The following TGM4 variants were observed in gnomAD, a reference collection of about 807,000 sequenced individuals.
TGM4 encodes the protein transglutaminase 4.
TGM4 carries 61 observed loss-of-function variants against 76.3 expected under a neutral mutation model. That is an observed-to-expected ratio of 0.80 (90% CI 0.65 to 0.99). TGM4 has a LOEUF of 0.99. Ranked by LOEUF, TGM4 falls within the 50% of genes least tolerant of loss-of-function variation. TGM4 has a pLI of 0.00. For synonymous variants in TGM4, 337 were observed against 329.8 expected, an observed-to-expected ratio of 1.02 and a Z score of -0.24; for missense variants, 794 against 843.2, an observed-to-expected ratio of 0.94 and a Z score of 0.72.
intron 9 of TGM4, 21 bp downstream of exon 9, chr3:44,904,008 C>T (rs758942223): frequency 1.4e-5 from 23 of 1,601,388 alleles, no homozygotes; most frequent in East Asian, 8.9e-5. Context: ...GGCAGGAAGG[C>T]GCTGGGCATC....
chr3:44,904,578 G>C (rs1699898439), intron 9 of TGM4, among the ~76,000 whole-genome samples: 1 of 152,192 alleles, frequency 6.6e-6, no homozygotes, highest in East Asian at 1.9e-4. Flanking sequence ...AAAATCTGTG[G>C]AATCAAGTTA....
chr3:44,904,094 T>TG, intron 9 of TGM4, 107 bp downstream of exon 9: 1 of 1,021,702 alleles, frequency 9.8e-7, no homozygotes, highest in Non-Finnish European at 1.5e-6. Flanking sequence ...AAAGTTTTCA[T>TG]AAAAATTTCC....
At chr3:44,881,233 T>TGGG (rs1699527789) in intron 1 of TGM4, among the ~76,000 whole-genome samples, 1 of 152,044 alleles carries the variant, frequency 6.6e-6, no homozygotes, top group Non-Finnish European at 1.5e-5. Flanking sequence ...TAATCTTAAA[T>TGGG]AACCTCTCAC....
chr3:44,899,814 C>T (rs1699828285), intron 6 of TGM4, among the ~76,000 whole-genome samples: 2 of 152,346 alleles, frequency 1.3e-5, no homozygotes, highest in East Asian at 1.9e-4. Flanking sequence ...CTTCCAGGCT[C>T]ACTCACCTAG....
At chr3:44,897,948 T>A (rs1699801483) in intron 6 of TGM4, among the ~76,000 whole-genome samples, 1 of 152,178 alleles carries the variant, frequency 6.6e-6, no homozygotes, top group Non-Finnish European at 1.5e-5. Flanking sequence ...TTAGTTGGAA[T>A]ATATGAACAT....
chr3:44,907,258 A>G, intron 10 of TGM4, 58 bp downstream of exon 10: 1 of 1,585,160 alleles, frequency 6.3e-7, no homozygotes, highest in Non-Finnish European at 8.6e-7. Context: ...GAACATGAAA[A>G]TAGTCAAGAT....
chr3:44,881,646 C>T (rs1699534365), intron 1 of TGM4, among the ~76,000 whole-genome samples: 1 of 152,218 alleles, frequency 6.6e-6, no homozygotes, highest in African/African-American at 2.4e-5. Flanking sequence ...CAAAAATATA[C>T]ATACAGACTG....
intron 3 of TGM4, among the ~76,000 whole-genome samples, chr3:44,890,118 C>T (rs1471271591): frequency 2.6e-5 from 4 of 152,154 alleles, no homozygotes; most frequent in African/African-American, 9.7e-5. Context: ...ATGAGAACAG[C>T]ATGGGGGAAA....
intron 3 of TGM4, chr3:44,888,022 C>G (rs1368110353): frequency 5.6e-6 from 3 of 532,672 alleles, no homozygotes; most frequent in African/African-American, 3.8e-5. Context: ...TCACCCTTCC[C>G]CTTTCCATTT....
At chr3:44,910,909 G>C in intron 11 of TGM4, 49 bp from the exon 12 acceptor site, 5 of 1,578,864 alleles carry the variant, frequency 3.2e-6, no homozygotes, top group South Asian at 1.1e-5. Context: ...AACTCATACT[G>C]GGGGGGTATG....
intron 10 of TGM4, among the ~76,000 whole-genome samples, chr3:44,907,676 T>C (rs1559620395): frequency 6.6e-6 from 1 of 152,188 alleles, no homozygotes; most frequent in Non-Finnish European, 1.5e-5. Flanking sequence ...TGCTGCCTGC[T>C]GTTACCTGAA....
chr3:44,881,381 T>G (rs1699530168), intron 1 of TGM4, among the ~76,000 whole-genome samples: 1 of 152,206 alleles, frequency 6.6e-6, no homozygotes, highest in Non-Finnish European at 1.5e-5. Context: ...TTTCTGTTGC[T>G]TATAAAAGAA....
chr3:44,903,896 G>C lies in TGM4; in HGVS notation c.984G>C (p.Val328=). 1 of 1,614,238 alleles carries C rather than the reference G, an allele frequency of 6.2e-7. No homozygotes were observed. The highest frequency in any genetic ancestry group is 1.1e-5 in the South Asian group (1 of 91,088). The change falls in exon 9 of 14, where the codon GTG becomes GTC. Residue 328 remains valine, a synonymous_variant. Transcript: ENST00000296125. ...MTHDSVWNFH[V]WTDAWMKRPD... is the part of the protein sequence containing the mutation. ...CAATTTGCGGCAGGAATTTCCATGT[G>C]TGGACGGATGCCTGGATGAAGCGAC...
At position 44,913,762 on chromosome 3, in the gene TGM4, A is replaced by G; in HGVS notation, c.*37A>G. ...GCTGTGGAGCCTTAGTTGAGATTTC[A>G]GCATTTCCTACCTTGTGCTTAGCTT... On this transcript the variant is annotated 3_prime_UTR_variant, in exon 14 of 14. Transcript: ENST00000296125. 2 of 1,594,154 alleles carry G rather than the reference A, an allele frequency of 1.3e-6. No homozygotes were observed. Among genetic ancestry groups the G allele is most frequent in the Non-Finnish European group, 1.7e-6 (2 of 1,171,546 alleles).
At chr3:44,898,441 T>C (rs75533468) in intron 6 of TGM4, among the ~76,000 whole-genome samples, 3,495 of 152,290 alleles carry the variant, frequency 0.023, 70 homozygotes, top group Middle Eastern at 0.065. Context: ...TGTACACTTA[T>C]GAGAGAATGA....
In TGM4 at chr3:44,913,662, C is replaced by T. The variant is rs1700039632; in HGVS notation, c.1992C>T (p.Val664=). ...PIKTGPKKFI[V]KLSSKQVKEI... ...AAACTGGACCCAAGAAATTTATCGT[C>T]AAGTTAAGTTCCAAACAAGTGAAAG... Residue 664 remains valine (V), a synonymous_variant, in exon 14 of 14, where the codon GTC becomes GTT. Transcript: ENST00000296125. The T allele has an allele frequency of 6.2e-7, 1 of 1,614,088 alleles. No individual in the cohort carries two copies. Among genetic ancestry groups the T allele is most frequent in the South Asian group, 1.1e-5 (1 of 91,092 alleles).
intron 2 of TGM4, among the ~76,000 whole-genome samples, chr3:44,885,877 C>T (rs1331717322): frequency 6.6e-6 from 1 of 152,124 alleles, no homozygotes; most frequent in Non-Finnish European, 1.5e-5. Context: ...ATTAAAATAT[C>T]ATATTTTGGT....
chr3:44,903,681 C>A, intron 8 of TGM4: 1 of 589,838 alleles, frequency 1.7e-6, no homozygotes, highest in Non-Finnish European at 3.1e-6. Flanking sequence ...GCACACAACT[C>A]TGTGCCCTGG....
intron 6 of TGM4, among the ~76,000 whole-genome samples, chr3:44,897,340 A>G (rs573378670): frequency 6.6e-6 from 1 of 152,224 alleles, no homozygotes; most frequent in East Asian, 1.9e-4. Context: ...CAGCCCTGCC[A>G]CTTATGGGCT....
Sources: allele counts gnomAD v4.1 joint callset (sites outside exome capture counted in the v4.1 genomes callset), GRCh38; gene constraint gnomAD v4.1.1; transcripts MANE v1.5; gene names NCBI Gene and HGNC (gene_info 2026-07-23, HGNC 2026-07-21).